The following NFE2L1 variants were observed in gnomAD, a reference collection of about 807,000 sequenced individuals.
NFE2L1 encodes the protein NFE2 like bZIP transcription factor 1.
NFE2L1 carries 18 observed loss-of-function variants against 61.6 expected under a neutral mutation model. That is an observed-to-expected ratio of 0.29 (90% CI 0.20 to 0.43). NFE2L1 has a LOEUF of 0.43. Among genes scored for constraint, NFE2L1 ranks in the 20% least tolerant of loss-of-function variants. The pLI is 1.00. For missense variants in NFE2L1, 827 were observed against 973.5 expected, an observed-to-expected ratio of 0.85 and a Z score of 2.00; for synonymous variants, 419 against 402.7, an observed-to-expected ratio of 1.04 and a Z score of -0.48.
Position 48,059,952 on chromosome 17 carries a change from G to A in NFE2L1, c.*311G>A, listed in dbSNP as rs755975453. The A allele has an allele frequency of 6.2e-6, 2 of 321,580 alleles. No homozygotes were observed. The highest frequency in any genetic ancestry group is 1.1e-5 in the Non-Finnish European group (2 of 175,862). The allele number at this position is 321,580 out of a possible 1,614,324, so 19.9% of individuals were successfully genotyped here. ...CTATGTGGAGCAAAGGCCGACAGAG[G>A]GGAAGGAATGGACCTGTGAGAGGAA... On this transcript the variant is annotated 3_prime_UTR_variant, in exon 6 of 6. Coordinates refer to ENST00000362042, the MANE Select transcript of NFE2L1 (RefSeq NM_003204.3). This position sits in a 1 kb window ranked among gnomAD's most constrained non-coding sequence, Gnocchi z 6.1.
chr17:48,056,971 A>AG, intron 3 of NFE2L1, 61 bp from the exon 4 acceptor site: 1 of 1,548,906 alleles, frequency 6.5e-7, no homozygotes, highest in Non-Finnish European at 8.9e-7. Flanking sequence ...CTGGGAAAGA[A>AG]GCTTCAGCCC....
In NFE2L1 at chr17:48,058,850, GCTT is replaced by G; in HGVS notation, c.1533_1535del (p.Ser513del). ...CTCCTCCTCTTCCTCTTCTTCCTCT[GCTT>G]CTTCCTCTGCCTCTTCCTCCTTTTC... On this transcript the variant is annotated inframe_deletion, in exon 6 of 6. Transcript: ENST00000362042. 1 of 1,613,316 alleles carries G rather than the reference GCTT, an allele frequency of 6.2e-7. No individual in the cohort carries two copies. The highest frequency in any genetic ancestry group is 8.5e-7 in the Non-Finnish European group (1 of 1,179,912).
In NFE2L1 at chr17:48,058,804, A is replaced by G. The variant is rs2037470700; in HGVS notation, c.1482A>G (p.Glu494=). ...SHSPSSLSSS[E]GSSSSSSSSS... ...GCCCTTCTTCCCTAAGCAGCTCTGAAGGCAGTTCTTCCTCTTCTTCCTCCT... is the reference window on the plus strand; with the variant it reads ...GCCCTTCTTCCCTAAGCAGCTCTGAGGGCAGTTCTTCCTCTTCTTCCTCCT... Residue 494 remains glutamate (E), a synonymous_variant, in exon 6 of 6, where the codon GAA becomes GAG. Coordinates refer to ENST00000362042, the MANE Select transcript of NFE2L1 (RefSeq NM_003204.3). The G allele has an allele frequency of 4.3e-6, 7 of 1,613,972 alleles. No individual in the cohort carries two copies. The highest frequency in any genetic ancestry group is 5.9e-6 in the Non-Finnish European group (7 of 1,180,016).
chr17:48,049,123 A>G (rs1253070732), intron 1 of NFE2L1: 3 of 150,320 alleles, frequency 2.0e-5, no homozygotes, highest in East Asian at 2.0e-4. Context: ...TGTAGAATGA[A>G]GTTGGTAGAT....
In NFE2L1 at chr17:48,059,544, A is replaced by T; in HGVS notation, c.2222A>T (p.Gln741Leu). Reference protein sequence around the residue: ...RPYSPSQYALQYAGDGSVLLI... With the variant: ...RPYSPSQYALLYAGDGSVLLI... ...TACTCGCCCAGTCAGTATGCGCTCC[A>T]GTACGCCGGGGACGGCAGTGTCCTC... The change falls in exon 6 of 6, where the codon CAG (glutamine) becomes CTG (leucine). Residue 741 changes from glutamine to leucine, a missense_variant. This residue lies in a region of NFE2L1 where 86 missense variants were observed against 97.3 expected (regional missense o/e 0.88). Transcript: ENST00000362042. This position sits in a 1 kb window ranked among gnomAD's most constrained non-coding sequence, Gnocchi z 6.1. The T allele has an allele frequency of 6.2e-7, 1 of 1,612,766 alleles. No individual in the cohort carries two copies. Among genetic ancestry groups the T allele is most frequent in the Non-Finnish European group, 8.5e-7 (1 of 1,179,002 alleles).
intron 2 of NFE2L1, 50 bp from the exon 3 acceptor site, chr17:48,056,336 G>A (rs749245027): frequency 2.5e-6 from 4 of 1,609,574 alleles, no homozygotes; most frequent in Non-Finnish European, 3.4e-6. Flanking sequence ...GGCAGGACAA[G>A]GAAGGGACCT....
chr17:48,055,964 A>G (rs576101974), intron 2 of NFE2L1: 23 of 183,554 alleles, frequency 1.3e-4, no homozygotes, highest in Non-Finnish European at 2.2e-4. Context: ...GTAATTCTGC[A>G]TGACAATTCG....
rs1439711604 is a variant in NFE2L1, at chr17:48,059,857, G to A, written c.*216G>A. ...GTGGAAGTGGCCAGACCATTTAGAC[G>A]GACAGGGTCCTCACCCTACCCCTTT... On this transcript the variant is annotated 3_prime_UTR_variant, in exon 6 of 6. Coordinates refer to ENST00000362042, the MANE Select transcript of NFE2L1 (RefSeq NM_003204.3). This position sits in a 1 kb window ranked among gnomAD's most constrained non-coding sequence, Gnocchi z 6.1. The A allele has an allele frequency of 6.4e-6, 4 of 627,006 alleles. No homozygotes were observed. Among genetic ancestry groups the A allele is most frequent in the Non-Finnish European group, 1.0e-5 (4 of 385,156 alleles). The allele number at this position is 627,006 out of a possible 1,614,324, so 38.8% of individuals were successfully genotyped here.
intron 2 of NFE2L1, among the ~76,000 whole-genome samples, chr17:48,054,139 C>T (rs1337586192): frequency 6.6e-6 from 1 of 152,224 alleles, no homozygotes; most frequent in Non-Finnish European, 1.5e-5. Context: ...ACTCTTTCCA[C>T]TTCCAGCAAA....
chr17:48,057,479 C>T lies in NFE2L1; in HGVS notation c.949C>T (p.Leu317Phe). 13 of 1,613,518 alleles carry T rather than the reference C, an allele frequency of 8.1e-6. No homozygotes were observed. The highest frequency in any genetic ancestry group is 1.1e-5 in the Non-Finnish European group (13 of 1,179,810). ...TGATTTGGAACAGCAGTGGCAAGAT[C>T]TCATGTCCATCATGGAAATGCAGGT... ...PFDLEQQWQD[L>F]MSIMEMQAME... Residue 317 changes from leucine to phenylalanine, a missense_variant, in exon 5 of 6, where the codon CTC becomes TTC. By Grantham distance (22) the Leu-to-Phe change is conservative. Around this residue, in one of 3 missense-constraint regions of NFE2L1, gnomAD observed 667 missense variants for 748.4 expected, o/e 0.89. Transcript: ENST00000362042.
rs752921727 is a variant in NFE2L1 at position 48,058,388 on chromosome 17, C to G, written c.1066C>G (p.Pro356Ala). 1 of 1,614,186 alleles carries G rather than the reference C, an allele frequency of 6.2e-7. No individual in the cohort carries two copies. The highest frequency in any genetic ancestry group is 2.2e-5 in the East Asian group (1 of 44,880). ...STNYSLAPNT[P>A]INQNVSLHQA... ...CAACTACAGCCTTGCCCCCAACACT[C>G]CCATCAATCAGAATGTCAGCCTGCA... Residue 356 changes from proline (P) to alanine (A), a missense_variant, in exon 6 of 6, where the codon CCC becomes GCC. Around this residue, in one of 3 missense-constraint regions of NFE2L1, gnomAD observed 667 missense variants for 748.4 expected, o/e 0.89. Coordinates refer to ENST00000362042, the MANE Select transcript of NFE2L1 (RefSeq NM_003204.3).
intron 2 of NFE2L1, chr17:48,054,773 G>A (rs2037349508): frequency 7.6e-7 from 1 of 1,320,176 alleles, no homozygotes; most frequent in Non-Finnish European, 9.7e-7. Context: ...TGAGCTCAGG[G>A]TGGGGGCAGC....
In NFE2L1 at chr17:48,057,436, C is replaced by A; in HGVS notation, c.906C>A (p.Thr302=). The A allele has an allele frequency of 6.2e-7, 1 of 1,614,112 alleles. No homozygotes were observed. Among genetic ancestry groups the A allele is most frequent in the Non-Finnish European group, 8.5e-7 (1 of 1,180,024 alleles). The change falls in exon 5 of 6, where the codon ACC becomes ACA. Residue 302 remains threonine (T), a synonymous_variant. Transcript: ENST00000362042. The stretch of plus-strand genomic sequence containing the variant: ...ACAACCTCTTGTCTCCTCTTCTGAC[C>A]GGGACAGAGTCACCATTTGATTTGG... The part of the protein sequence containing the change: ...LQNNLLSPLL[T]GTESPFDLEQ...
rs11654627 is a variant in NFE2L1, at chr17:48,059,659, G to A, written c.*18G>A. On this transcript the variant is annotated 3_prime_UTR_variant, in exon 6 of 6. Coordinates refer to ENST00000362042, the MANE Select transcript of NFE2L1 (RefSeq NM_003204.3). This position sits in a 1 kb window ranked among gnomAD's most constrained non-coding sequence, Gnocchi z 6.1. ...GAAAGTGAGCCTGGGGAAGAAGGGG[G>A]TTTGAAGCCCACCAAGACCGAAACT... The A allele has an allele frequency of 0.026, 39,747 of 1,529,602 alleles. 627 individuals carry two copies. Among genetic ancestry groups the A allele is most frequent in the Non-Finnish European group, 0.031 (35,307 of 1,141,036 alleles). The allele number at this position is 1,529,602 out of a possible 1,614,324, so 94.8% of individuals were successfully genotyped here.
At chr17:48,054,890 C>T in intron 2 of NFE2L1, 3 of 1,378,158 alleles carry the variant, frequency 2.2e-6, no homozygotes, top group Non-Finnish European at 1.9e-6. Flanking sequence ...GGGGCACCCT[C>T]CTCAGGCCCC....
In NFE2L1 at chr17:48,050,775, A is replaced by G. The variant is rs954162778; in HGVS notation, c.-344A>G. On this transcript the variant is annotated 5_prime_UTR_variant, in exon 2 of 6. Transcript: ENST00000362042. Reference sequence around the variant, plus strand: ...CTGCATTGGAATCTACAGAGAGGACAACTAATGTGAGTGAGGAAGTGACTG... The same window carrying G: ...CTGCATTGGAATCTACAGAGAGGACGACTAATGTGAGTGAGGAAGTGACTG... 7 of 545,366 alleles carry G rather than the reference A, an allele frequency of 1.3e-5. No individual in the cohort carries two copies. The highest frequency in any genetic ancestry group is 1.6e-5 in the Non-Finnish European group (5 of 308,106). 33.8% of individuals were successfully genotyped at this position (545,366 alleles called of 1,614,324 possible). A position where few individuals can be genotyped will look rare whatever the true frequency, so the allele number is the denominator to read the frequency against.
At position 48,051,069 on chromosome 17, in the gene NFE2L1, T is replaced by C; in HGVS notation, c.-50T>C. On this transcript the variant is annotated 5_prime_UTR_variant, in exon 2 of 6. Coordinates refer to ENST00000362042, the MANE Select transcript of NFE2L1 (RefSeq NM_003204.3). ...GCAGAGCAGTGGCCTTGATTTGTCTTTTGGAAGATTTTAAAAACCAAAAAG... is the reference window on the plus strand; with the variant it reads ...GCAGAGCAGTGGCCTTGATTTGTCTCTTGGAAGATTTTAAAAACCAAAAAG... The C allele has an allele frequency of 6.2e-7, 1 of 1,612,284 alleles. No homozygotes were observed.
chr17:48,057,165 C>G (rs2037423896), intron 4 of NFE2L1, 44 bp downstream of exon 4: 1 of 1,605,446 alleles, frequency 6.2e-7, no homozygotes, highest in Non-Finnish European at 8.5e-7. Flanking sequence ...AGCAGGGCAG[C>G]CTGTACCTGG....
At chr17:48,051,937 G>A (rs2037263332) in intron 2 of NFE2L1, among the ~76,000 whole-genome samples, 1 of 152,142 alleles carries the variant, frequency 6.6e-6, no homozygotes, top group Non-Finnish European at 1.5e-5. Context: ...TGGGGGAGGA[G>A]TCATGTTGTG....
Sources: gnomAD v4.1 joint callset for allele counts (sites outside exome capture counted in the v4.1 genomes callset) on GRCh38, gnomAD v4.1.1 for gene constraint, gnomAD v4.1.1 regional missense constraint, Gnocchi (gnomAD v3.1) non-coding constraint, MANE v1.5 for transcripts, NCBI Gene and HGNC (gene_info 2026-07-23, HGNC 2026-07-21) for gene names.